GALNT13: variants seen among roughly 807,000 people sequenced by gnomAD.
GALNT13 encodes the protein polypeptide N-acetylgalactosaminyltransferase 13.
A neutral mutation model predicts 64.2 loss-of-function variants in GALNT13; 28 were observed. That is an observed-to-expected ratio of 0.44 (90% CI 0.32 to 0.60). GALNT13 has a LOEUF of 0.60. Among genes scored for constraint, GALNT13 ranks in the 20% least tolerant of loss-of-function variants. GALNT13 has a pLI of 0.05. For synonymous variants in GALNT13, 214 were observed against 224.6 expected (o/e 0.95, Z 0.42); for missense variants, 577 against 669.8 (o/e 0.86, Z 1.53).
At chr2:153,507,923 G>T in the GALNT13 span, among the ~76,000 whole-genome samples, 1 of 152,078 alleles carries the variant, frequency 6.6e-6, no homozygotes, top group Admixed American at 6.5e-5. Flanking sequence ...GCCAAACTGT[G>T]GTACTTGTTT....
chr2:153,297,330 C>T, the GALNT13 span, among the ~76,000 whole-genome samples: 1 of 152,042 alleles, frequency 6.6e-6, no homozygotes, highest in African/African-American at 2.4e-5. Flanking sequence ...CAAAAGAGAT[C>T]TTTATTTTTC....
At chr2:154,081,069 G>C (rs1394275651) in intron 3 of GALNT13, among the ~76,000 whole-genome samples, 2 of 151,346 alleles carry the variant, frequency 1.3e-5, no homozygotes, top group African/African-American at 2.4e-5. Context: ...TATAAACTGA[G>C]TTTTATGTCC....
At chr2:153,833,246 C>T in the GALNT13 span, among the ~76,000 whole-genome samples, 1 of 152,118 alleles carries the variant, frequency 6.6e-6, no homozygotes, top group Non-Finnish European at 1.5e-5. Flanking sequence ...GTCACCAAAG[C>T]ACAAGCATAG....
At chr2:154,349,868 C>G (rs1221232432) in intron 9 of GALNT13, among the ~76,000 whole-genome samples, 1 of 152,122 alleles carries the variant, frequency 6.6e-6, no homozygotes, top group African/African-American at 2.4e-5. Flanking sequence ...CCAAGCATGG[C>G]AATGCTGGAT....
intron 3 of GALNT13, among the ~76,000 whole-genome samples, chr2:154,108,038 A>G (rs1279485166): frequency 2.6e-5 from 4 of 152,034 alleles, no homozygotes; most frequent in Admixed American, 2.0e-4. Flanking sequence ...TGACTTGACT[A>G]TTGTTAATAG....
chr2:153,633,133 A>G, the GALNT13 span, among the ~76,000 whole-genome samples: 1 of 152,142 alleles, frequency 6.6e-6, no homozygotes, highest in Non-Finnish European at 1.5e-5. Context: ...CTTTATACCT[A>G]TACAAGGCAT....
chr2:153,302,893 T>C, the GALNT13 span, among the ~76,000 whole-genome samples: 5 of 152,192 alleles, frequency 3.3e-5, no homozygotes, highest in African/African-American at 1.2e-4. Flanking sequence ...TTCTGTTCCA[T>C]TGGTTTGTGT....
chr2:153,855,978 C>G, the GALNT13 span, among the ~76,000 whole-genome samples: 7 of 152,036 alleles, frequency 4.6e-5, no homozygotes, highest in Admixed American at 3.3e-4. Flanking sequence ...AATGATCGCA[C>G]AGTGTTATGA....
chr2:154,057,382 CA>C (rs1281508755), intron 3 of GALNT13, among the ~76,000 whole-genome samples: 1 of 152,134 alleles, frequency 6.6e-6, no homozygotes, highest in Non-Finnish European at 1.5e-5. Flanking sequence ...TATAACCATT[CA>C]AAGAAGCAAA....
the GALNT13 span, among the ~76,000 whole-genome samples, chr2:153,379,811 T>C: frequency 5.9e-4 from 90 of 152,268 alleles, 1 homozygote; most frequent in Admixed American, 5.0e-3. Flanking sequence ...ATTATGCATA[T>C]GAAACTTTTA....
At chr2:153,666,625 C>A in the GALNT13 span, among the ~76,000 whole-genome samples, 1 of 152,162 alleles carries the variant, frequency 6.6e-6, no homozygotes, top group South Asian at 2.1e-4. Flanking sequence ...CACCATCGAA[C>A]CCTCAGATGC....
intron 3 of GALNT13, among the ~76,000 whole-genome samples, chr2:153,994,316 T>C (rs1695371009): frequency 6.6e-6 from 1 of 152,224 alleles, no homozygotes; most frequent in South Asian, 2.1e-4. Flanking sequence ...CAGCCTATCA[T>C]TGATGGACAT....
At chr2:153,535,883 T>G in the GALNT13 span, among the ~76,000 whole-genome samples, 1 of 152,140 alleles carries the variant, frequency 6.6e-6, no homozygotes, top group East Asian at 1.9e-4. Flanking sequence ...AAGGCTAAAC[T>G]GAGGACTTAA....
intron 8 of GALNT13, among the ~76,000 whole-genome samples, chr2:154,294,440 T>C (rs903148119): frequency 6.6e-6 from 1 of 152,204 alleles, no homozygotes; most frequent in African/African-American, 2.4e-5. Flanking sequence ...TTAAAAGATT[T>C]CAAACCAGAT....
intron 11 of GALNT13, among the ~76,000 whole-genome samples, chr2:154,429,248 G>T (rs961102374): frequency 3.3e-5 from 5 of 152,114 alleles, no homozygotes; most frequent in Admixed American, 6.6e-5. Context: ...GCCGACACAG[G>T]CCAAAAAGTA....
chr2:154,130,876 A>AATGGCCCTTGTTTTACTTGAG (rs1225373382), intron 3 of GALNT13, among the ~76,000 whole-genome samples: 3 of 152,188 alleles, frequency 2.0e-5, no homozygotes, highest in Admixed American at 2.0e-4. Context: ...GCTTCTGTAA[A>AATGGCCCTTGTTTTACTTGAG]ATGGCCCTTG....
the GALNT13 span, among the ~76,000 whole-genome samples, chr2:153,402,240 G>A: frequency 8.5e-3 from 1,281 of 151,078 alleles, 10 homozygotes; most frequent in Non-Finnish European, 0.013. Context: ...TTCTTTAAGA[G>A]TGTTGAATAT....
the GALNT13 span, among the ~76,000 whole-genome samples, chr2:153,221,457 C>T: frequency 2.0e-5 from 3 of 152,276 alleles, no homozygotes; most frequent in African/African-American, 4.8e-5. Context: ...TAATTCTAGA[C>T]AAAACAGCCT....
chr2:153,182,491 G>T, the GALNT13 span, among the ~76,000 whole-genome samples: 8 of 152,184 alleles, frequency 5.3e-5, no homozygotes, highest in Non-Finnish European at 8.8e-5. Context: ...GGATGTGCAG[G>T]TTGGTTACAT....
Sources: gnomAD v4.1 joint callset for allele counts (sites outside exome capture counted in the v4.1 genomes callset) on GRCh38, gnomAD v4.1.1 for gene constraint, MANE v1.5 for transcripts, NCBI Gene and HGNC (gene_info 2026-07-23, HGNC 2026-07-21) for gene names.